The following GDAP1 variants were observed in gnomAD, a reference collection of about 807,000 sequenced individuals.
GDAP1 encodes ganglioside induced differentiation associated protein 1.
GDAP1 carries 34 observed loss-of-function variants against 40.1 expected under a neutral mutation model. The ratio of observed to expected loss-of-function variants is 0.85; its 90% CI spans 0.64 to 1.13. The LOEUF (loss-of-function observed/expected upper bound fraction) is 1.13. Among genes scored for constraint, GDAP1 ranks in the 50% most tolerant of loss-of-function variants. The pLI, the probability that GDAP1 is intolerant of heterozygous loss-of-function variation, is 0.00. For missense variants in GDAP1, 374 were observed against 433.7 expected (o/e 0.86, Z 1.22); for synonymous variants, 170 against 157.4 (o/e 1.08, Z -0.60).
At chr8:74,389,987 C>A (rs746431201) in intron 2 of GDAP1, among the ~76,000 whole-genome samples, 1 of 152,196 alleles carries the variant, frequency 6.6e-6, no homozygotes, top group South Asian at 2.1e-4. Context: ...TCAATACTTG[C>A]GTACGCTTCA....
chr8:74,394,720 G>T (rs1467851129), intron 2 of GDAP1, among the ~76,000 whole-genome samples: 1 of 152,124 alleles, frequency 6.6e-6, no homozygotes, highest in Non-Finnish European at 1.5e-5. Flanking sequence ...CTCAGAGAGG[G>T]TGCTGCGTTA....
chr8:74,413,514 G>C (rs1805741074), intron 2 of GDAP1, among the ~76,000 whole-genome samples: 1 of 149,632 alleles, frequency 6.7e-6, no homozygotes, highest in Non-Finnish European at 1.5e-5. Flanking sequence ...GAATTAGAAA[G>C]GAATATTTTA....
downstream of GDAP1, among the ~76,000 whole-genome samples, chr8:74,371,387 G>A (rs978898958): frequency 2.9e-4 from 44 of 152,192 alleles, no homozygotes; most frequent in Middle Eastern, 3.2e-3. Flanking sequence ...ATGGCCGGGC[G>A]CGGTGGCTCA....
intron 2 of GDAP1, among the ~76,000 whole-genome samples, chr8:74,386,292 G>C (rs1391707693): frequency 2.0e-5 from 3 of 152,100 alleles, no homozygotes; most frequent in Non-Finnish European, 4.4e-5. Flanking sequence ...GTATTGCCTA[G>C]GTTTTCCTCT....
At chr8:74,368,785 A>G (rs1045515130), downstream of GDAP1, among the ~76,000 whole-genome samples, 1 of 152,192 alleles carries the variant, frequency 6.6e-6, no homozygotes, top group African/African-American at 2.4e-5. Flanking sequence ...ATTGTAAACC[A>G]GATAATTCTT....
At chr8:74,408,226 T>TA (rs1400554521) in intron 2 of GDAP1, among the ~76,000 whole-genome samples, 2 of 150,106 alleles carry the variant, frequency 1.3e-5, no homozygotes, top group Non-Finnish European at 2.9e-5. Context: ...GGACGGGCTT[T>TA]AAAAAAAATT....
At chr8:74,382,367 T>C (rs2131538462) in intron 2 of GDAP1, among the ~76,000 whole-genome samples, 1 of 117,304 alleles carries the variant, frequency 8.5e-6, no homozygotes, top group South Asian at 2.8e-4. Context: ...AGTTTCCTCA[T>C]TGCTAGTGGT....
chr8:74,422,192 CTTTCTTCT>C (rs973723226), intron 2 of GDAP1, among the ~76,000 whole-genome samples: 1 of 135,850 alleles, frequency 7.4e-6, no homozygotes, highest in Non-Finnish European at 1.7e-5. Context: ...TCTTTTTTCT[CTTTCTTCT>C]TTCTTTCTCT....
intron 2 of GDAP1, among the ~76,000 whole-genome samples, chr8:74,435,430 T>C (rs1806076896): frequency 1.3e-5 from 2 of 152,206 alleles, no homozygotes; most frequent in African/African-American, 2.4e-5. Context: ...ATGAAGCAGT[T>C]GAAATCATTT....
In GDAP1 at chr8:74,385,111, G is replaced by A. The variant is rs186410647; in HGVS notation, c.165+33790G>A. ...AGATCATGGTACATCTTCTGCGGTAGGAATTAGATATTACCAAACCCAAGT... is the reference window on the plus strand; with the variant it reads ...AGATCATGGTACATCTTCTGCGGTAAGAATTAGATATTACCAAACCCAAGT... On this transcript the variant is annotated intron_variant, in intron 2 of 2. Transcript: ENST00000523640. Among the ~76,000 whole-genome samples, 290 of 152,182 alleles carry A rather than the reference G, an allele frequency of 1.9e-3. 1 individual carries two copies. Among genetic ancestry groups the A allele is most frequent in the African/African-American group, 6.6e-3 (273 of 41,530 alleles).
At chr8:74,369,302 A>G (rs563771129), downstream of GDAP1, among the ~76,000 whole-genome samples, 1 of 152,346 alleles carries the variant, frequency 6.6e-6, no homozygotes, top group Non-Finnish European at 1.5e-5. Flanking sequence ...TAATAAATAG[A>G]TATGACCTAA....
intron 2 of GDAP1, among the ~76,000 whole-genome samples, chr8:74,401,128 G>T (rs987538086): frequency 1.3e-5 from 2 of 149,074 alleles, no homozygotes; most frequent in Non-Finnish European, 2.9e-5. Context: ...AGTTCTCCTG[G>T]ATAATATCCT....
rs1185125975 is a variant in GDAP1, at chr8:74,366,589, A to T, written c.*2222A>T. 1 of 453,500 alleles carries T rather than the reference A, an allele frequency of 2.2e-6. No homozygotes were observed. The allele number at this position is 453,500 out of a possible 1,614,324, so 28.1% of individuals were successfully genotyped here. ...TGGTCAGTGTACTCATCAATTTCCA[A>T]AATTTGTATAAATATCACAATTAGA... On this transcript the variant is annotated 3_prime_UTR_variant, in exon 6 of 6. Coordinates refer to ENST00000220822, the MANE Select transcript of GDAP1 (RefSeq NM_018972.4).
intron 2 of GDAP1, among the ~76,000 whole-genome samples, chr8:74,353,245 T>G (rs1057017766): frequency 2.6e-5 from 4 of 152,186 alleles, no homozygotes; most frequent in African/African-American, 4.8e-5. Flanking sequence ...GATGGAAATA[T>G]GGAAAGTGCA....
intron 2 of GDAP1, among the ~76,000 whole-genome samples, chr8:74,381,083 A>AGT (rs35444187): frequency 0.61 from 91,617 of 150,598 alleles, 27,908 homozygotes; most frequent in East Asian, 0.73. Context: ...ATGTTATTTG[A>AGT]GTGTGTGTGT....
intron 2 of GDAP1, among the ~76,000 whole-genome samples, chr8:74,372,391 T>A (rs1275860615): frequency 6.6e-6 from 1 of 152,234 alleles, no homozygotes; most frequent in Admixed American, 6.5e-5. Flanking sequence ...ACCAACAGTG[T>A]AAAAGTGTTC....
chr8:74,388,540 A>T (rs1034631041), intron 2 of GDAP1, among the ~76,000 whole-genome samples: 3 of 152,124 alleles, frequency 2.0e-5, no homozygotes, highest in Non-Finnish European at 4.4e-5. Flanking sequence ...CTGTGGTCTG[A>T]GAGGCTGTTT....
rs1228800381 is a variant in GDAP1 at position 74,452,877 on chromosome 8, G to A, written c.166-35801G>A. ...TTGGCATTATTTATGATATGTTATA[G>A]AGGCTTTGGATTCTGTTATTTTCCT... is the stretch of plus-strand genomic sequence containing the variant. On this transcript the variant is annotated intron_variant, in intron 2 of 2. Coordinates refer to the GDAP1 transcript ENST00000523640. 8.4e-5 allele frequency among the ~76,000 whole-genome samples: 7 copies of A among 83,478 alleles called. 1 individual carries two copies. The highest frequency in any genetic ancestry group is 3.6e-4 in the African/African-American group (7 of 19,250). 54.8% of individuals were successfully genotyped at this position (83,478 alleles called of 152,430 possible).
At chr8:74,467,117 C>T (rs1253174239) in intron 2 of GDAP1, among the ~76,000 whole-genome samples, 3 of 152,172 alleles carry the variant, frequency 2.0e-5, no homozygotes, top group Admixed American at 6.5e-5. Flanking sequence ...TTTATTGTTT[C>T]TGTCTTCTCA....
Sources: allele counts gnomAD v4.1 joint callset (sites outside exome capture counted in the v4.1 genomes callset), GRCh38; gene constraint gnomAD v4.1.1; transcripts MANE v1.5; gene names NCBI Gene and HGNC (gene_info 2026-07-23, HGNC 2026-07-21).